CSMD1: variants seen among roughly 807,000 people sequenced by gnomAD.
CSMD1 encodes CUB and sushi domain-containing protein 1.
In CSMD1, 213 loss-of-function variants were observed where a neutral mutation model predicts 417.5. That is an observed-to-expected ratio of 0.51 (90% CI 0.46 to 0.57). The LOEUF (loss-of-function observed/expected upper bound fraction) is 0.57, where lower values mean the gene tolerates loss of function less well. CSMD1 is among the 20% of genes least tolerant of loss of function. The pLI, the probability that CSMD1 is intolerant of heterozygous loss-of-function variation, is 0.00. For synonymous variants in CSMD1, 2,862 were observed against 1,736.8 expected (o/e 1.65, Z -16.11); for missense variants, 6,923 against 4,529.7 (o/e 1.53, Z -15.17).
At chr8:3,027,562 C>T (rs1049589786) in intron 51 of CSMD1, among the ~76,000 whole-genome samples, 4 of 152,154 alleles carry the variant, frequency 2.6e-5, no homozygotes, top group African/African-American at 7.2e-5. Context: ...GAAAATGCCA[C>T]GTGTACACGA....
intron 50 of CSMD1, among the ~76,000 whole-genome samples, chr8:3,042,976 T>C (rs540038153): frequency 1.3e-5 from 2 of 151,852 alleles, no homozygotes; most frequent in South Asian, 4.2e-4. Flanking sequence ...ACAGATTATA[T>C]AGTACCATAG....
At chr8:3,584,047 C>G (rs985264134) in intron 9 of CSMD1, among the ~76,000 whole-genome samples, 39 of 152,104 alleles carry the variant, frequency 2.6e-4, no homozygotes, top group African/African-American at 8.9e-4. Flanking sequence ...GAATTATTTC[C>G]AGCAGTATAA....
chr8:3,662,036 C>T (rs1424002378), intron 7 of CSMD1, among the ~76,000 whole-genome samples: 1 of 151,930 alleles, frequency 6.6e-6, no homozygotes, highest in Non-Finnish European at 1.5e-5. Context: ...TACTCGAAGT[C>T]GTAGAAAACA....
At position 3,439,138 on chromosome 8, in the gene CSMD1, AAAAAAAAAAAAAAACCAAG is replaced by A. The variant is rs1814773474; in HGVS notation, c.1562-29552_1562-29534del. Among the ~76,000 whole-genome samples, 9 of 129,578 alleles carry A rather than the reference AAAAAAAAAAAAAAACCAAG, an allele frequency of 6.9e-5. 1 individual carries two copies. Among genetic ancestry groups the A allele is most frequent in the African/African-American group, 2.9e-4 (9 of 30,834 alleles). The allele number at this position is 129,578 out of a possible 152,430, so 85.0% of individuals were successfully genotyped here. On this transcript the variant is annotated intron_variant, in intron 12 of 69. Coordinates refer to ENST00000635120, the MANE Select transcript of CSMD1 (RefSeq NM_033225.6). ...ACTCCATCTCAAAAAAAAAAAAAAA[AAAAAAAAAAAAAAACCAAG>A]AAAAAAAAAAGAAAAAGAAAAAAAT...
At chr8:4,218,543 T>A (rs1281005044) in intron 3 of CSMD1, among the ~76,000 whole-genome samples, 1 of 152,196 alleles carries the variant, frequency 6.6e-6, no homozygotes, top group African/African-American at 2.4e-5. Flanking sequence ...ACATTTGAAT[T>A]TGTTTCTGAG....
At chr8:4,015,947 C>T (rs916416213) in intron 4 of CSMD1, among the ~76,000 whole-genome samples, 1 of 152,154 alleles carries the variant, frequency 6.6e-6, no homozygotes. Context: ...CAACTGCCCC[C>T]AAGAAGGTTG....
chr8:3,103,719 A>G (rs968629265), intron 46 of CSMD1, among the ~76,000 whole-genome samples: 8 of 150,826 alleles, frequency 5.3e-5, no homozygotes, highest in African/African-American at 2.0e-4. Context: ...TCATCTGGAG[A>G]GGACACCCTA....
intron 7 of CSMD1, among the ~76,000 whole-genome samples, chr8:3,688,392 C>G (rs952415587): frequency 6.6e-6 from 1 of 152,142 alleles, no homozygotes; most frequent in African/African-American, 2.4e-5. Context: ...GAGAAATAGA[C>G]AGAGGTGCTT....
intron 14 of CSMD1, among the ~76,000 whole-genome samples, chr8:3,407,439 G>A (rs1377898985): frequency 1.3e-5 from 2 of 151,884 alleles, no homozygotes; most frequent in Admixed American, 6.6e-5. Context: ...ATAGATGGAA[G>A]GATGGATGGA....
At chr8:3,905,534 G>A (rs909674792) in intron 5 of CSMD1, among the ~76,000 whole-genome samples, 6 of 152,196 alleles carry the variant, frequency 3.9e-5, no homozygotes, top group African/African-American at 1.4e-4. Context: ...TCAACATTCA[G>A]CATGCATTCC....
chr8:3,347,732 T>G (rs1222556969), intron 22 of CSMD1, among the ~76,000 whole-genome samples: 1 of 152,230 alleles, frequency 6.6e-6, no homozygotes, highest in African/African-American at 2.4e-5. Context: ...ATCAAAAGTG[T>G]TAAATAACTT....
intron 5 of CSMD1, among the ~76,000 whole-genome samples, chr8:3,931,569 G>C (rs138903056): frequency 4.7e-5 from 7 of 150,122 alleles, no homozygotes; most frequent in African/African-American, 1.5e-4. Flanking sequence ...GGGAGGTCAG[G>C]CAGCAGTCAG....
At chr8:4,163,458 A>G (rs1374175983) in intron 3 of CSMD1, among the ~76,000 whole-genome samples, 1 of 152,126 alleles carries the variant, frequency 6.6e-6, no homozygotes. Context: ...TTGTATTTTA[A>G]TGTGTGAGTT....
chr8:3,072,652 T>C (rs1371269719), intron 49 of CSMD1, among the ~76,000 whole-genome samples: 2 of 152,260 alleles, frequency 1.3e-5, no homozygotes, highest in African/African-American at 2.4e-5. Flanking sequence ...TTTAATAGTA[T>C]CCCAATTTTA....
At chr8:4,630,228 T>G (rs1203101884) in intron 2 of CSMD1, among the ~76,000 whole-genome samples, 1 of 151,680 alleles carries the variant, frequency 6.6e-6, no homozygotes, top group Admixed American at 6.6e-5. Flanking sequence ...TTACTAGTCA[T>G]TTTATCCTTT....
intron 3 of CSMD1, among the ~76,000 whole-genome samples, chr8:4,107,844 C>CATT (rs1801646765): frequency 6.6e-6 from 1 of 152,214 alleles, no homozygotes; most frequent in Non-Finnish European, 1.5e-5. Context: ...ACAGGCTGCA[C>CATT]ATTCTCTCTG....
chr8:4,944,507 A>G (rs1808231956), intron 1 of CSMD1, among the ~76,000 whole-genome samples: 1 of 152,220 alleles, frequency 6.6e-6, no homozygotes. Context: ...AGCTGAAAGA[A>G]CACATCAGAG....
intron 4 of CSMD1, among the ~76,000 whole-genome samples, chr8:4,009,726 C>A (rs2554671): frequency 1.1e-4 from 16 of 151,860 alleles, no homozygotes; most frequent in Non-Finnish European, 2.1e-4. Flanking sequence ...TCAGGATGTA[C>A]CTACCTCCAC....
chr8:3,333,337 T>C (rs1056095141), intron 23 of CSMD1, among the ~76,000 whole-genome samples: 1 of 151,764 alleles, frequency 6.6e-6, no homozygotes, highest in African/African-American at 2.4e-5. Context: ...TACAGAGCAA[T>C]AGAAAACTAA....
Sources: allele counts gnomAD v4.1 joint callset (sites outside exome capture counted in the v4.1 genomes callset), GRCh38; gene constraint gnomAD v4.1.1; transcripts MANE v1.5; gene names NCBI Gene and HGNC (gene_info 2026-07-23, HGNC 2026-07-21).